KMT2C: variants seen among roughly 807,000 people sequenced by gnomAD.
The protein encoded by KMT2C is histone-lysine N-methyltransferase 2C.
Under a neutral mutation model 507.9 loss-of-function variants are expected in KMT2C, and 88 were observed. The observed-to-expected ratio is 0.17, with a 90% confidence interval of 0.15 to 0.21. The LOEUF (loss-of-function observed/expected upper bound fraction) is 0.21. Among genes scored for constraint, KMT2C ranks in the 10% least tolerant of loss-of-function variants. The pLI is 1.00. For missense variants in KMT2C, 4,954 were observed against 5,957.8 expected (o/e 0.83, Z 5.55); for synonymous variants, 2,049 against 2,080.8 (o/e 0.98, Z 0.42).
At chr7:152,397,208 T>C (rs1466111311) in intron 1 of KMT2C, among the ~76,000 whole-genome samples, 1 of 152,138 alleles carries the variant, frequency 6.6e-6, no homozygotes, top group Non-Finnish European at 1.5e-5. Flanking sequence ...AAGCTTTTTT[T>C]TTTTTTAGAT....
intron 7 of KMT2C, among the ~76,000 whole-genome samples, chr7:152,273,141 T>C (rs189676663): frequency 6.6e-6 from 1 of 152,310 alleles, no homozygotes; most frequent in Admixed American, 6.5e-5. Context: ...TTTCATTGAA[T>C]TATAAAATAC....
In KMT2C at chr7:152,177,641, G is replaced by T. The variant is rs1218619090; in HGVS notation, c.7812C>A (p.His2604Gln). 1 of 1,614,158 alleles carries T rather than the reference G, an allele frequency of 6.2e-7. No homozygotes were observed. The highest frequency in any genetic ancestry group is 1.3e-5 in the African/African-American group (1 of 75,030). ...GGGGAGGTCGTCGCATGGGGTCTGT[G>T]TGTCTAGGGCCCGGAAAGTCTGGCC... is the stretch of plus-strand genomic sequence containing the variant. ...IPRPDFPGPR[H>Q]TDPMRRPPQG... is the part of the protein sequence containing the mutation. The change falls in exon 38 of 59, where the codon CAC (histidine) becomes CAA (glutamine). Residue 2604 changes from histidine to glutamine, a missense_variant. His to Gln is a conservative substitution (Grantham distance 24). Around this residue, in one of 29 missense-constraint regions of KMT2C, gnomAD observed 1,689 missense variants for 1,654.3 expected, o/e 1.02. Transcript: ENST00000262189.
intron 7 of KMT2C, among the ~76,000 whole-genome samples, chr7:152,269,885 A>C (rs984291124): frequency 6.6e-6 from 1 of 152,242 alleles, no homozygotes; most frequent in African/African-American, 2.4e-5. Flanking sequence ...TAAAAAGAGA[A>C]GAGATAAATA....
chr7:152,294,091 G>A (rs1305893963), intron 6 of KMT2C, among the ~76,000 whole-genome samples: 6 of 149,632 alleles, frequency 4.0e-5, no homozygotes, highest in East Asian at 2.0e-4. Flanking sequence ...GGCTGGTCTC[G>A]AACTTGTAGC....
rs2096913136 is a variant in KMT2C, at chr7:152,334,317, T to C, written c.251-3578A>G. ...AAAATACAGAATTAGCCGGGCGAGGTGGTGCGTGCCTGTAATCCCAGCTAT... is the reference window on the plus strand; with the variant it reads ...AAAATACAGAATTAGCCGGGCGAGGCGGTGCGTGCCTGTAATCCCAGCTAT... On this transcript the variant is annotated intron_variant, in intron 2 of 58. Transcript: ENST00000262189. 2.6e-5 allele frequency among the ~76,000 whole-genome samples: 4 copies of C among 151,618 alleles called. No homozygotes were observed. The South Asian group carries it at 8.4e-4, about 32-fold the overall frequency.
At position 152,182,551 on chromosome 7, in the gene KMT2C, G is replaced by A. The variant is rs2129121152; in HGVS notation, c.5309C>T (p.Thr1770Ile). The change falls in exon 36 of 59, where the codon ACA (threonine) becomes ATA (isoleucine). Residue 1770 changes from threonine to isoleucine, a missense_variant. By Grantham distance (89) the Thr-to-Ile change is moderately conservative (BLOSUM62 -1). Coordinates refer to ENST00000262189, the MANE Select transcript of KMT2C (RefSeq NM_170606.3). Reference protein sequence around the residue: ...KSKQQAKIEATQKLEQVKNEQ... With the variant: ...KSKQQAKIEAIQKLEQVKNEQ... ...ATTTTTCACCTGTTCAAGTTTCTGT[G>A]TGGCTTCAATTTTAGCTTGCTGCTT... is the stretch of plus-strand genomic sequence containing the variant. 1 of 1,599,552 alleles carries A rather than the reference G, an allele frequency of 6.3e-7. No homozygotes were observed. Among genetic ancestry groups the A allele is most frequent in the Non-Finnish European group, 8.5e-7 (1 of 1,173,490 alleles).
At chr7:152,275,731 A>C (rs2096069112) in intron 6 of KMT2C, among the ~76,000 whole-genome samples, 1 of 152,220 alleles carries the variant, frequency 6.6e-6, no homozygotes, top group Admixed American at 6.5e-5. Context: ...CGGTAGTCTA[A>C]ATGTCTGAAT....
Position 152,318,532 on chromosome 7 carries a change from CA to C in KMT2C, c.390-3195del, listed in dbSNP as rs577421217. 3.9e-3 allele frequency among the ~76,000 whole-genome samples: 522 copies of C among 134,050 alleles called. 3 individuals are homozygous for C. Among genetic ancestry groups the C allele is most frequent in the African/African-American group, 0.014 (504 of 35,446 alleles). The allele number at this position is 134,050 out of a possible 152,430, so 87.9% of individuals were successfully genotyped here. The stretch of plus-strand genomic sequence containing the variant: ...ATCCCAGCTACTCGGGAGGCTGAGG[CA>C]GGGGAATTGTTTGAACCAGGGAGGT... On this transcript the variant is annotated intron_variant, in intron 3 of 58. Coordinates refer to ENST00000262189, the MANE Select transcript of KMT2C (RefSeq NM_170606.3).
chr7:152,355,258 A>G (rs1243716863), intron 2 of KMT2C, among the ~76,000 whole-genome samples: 1 of 152,224 alleles, frequency 6.6e-6, no homozygotes, highest in Admixed American at 6.5e-5. Context: ...CAGAGGTGGT[A>G]ACACTGGAAG....
chr7:152,205,208 C>T lies in KMT2C; in HGVS notation c.3859G>A (p.Val1287Met). The T allele has an allele frequency of 6.2e-7, 1 of 1,610,912 alleles. No homozygotes were observed. The highest frequency in any genetic ancestry group is 1.3e-5 in the African/African-American group (1 of 74,830). Residue 1287 changes from valine to methionine, a missense_variant, in exon 25 of 59, where the codon GTG (valine) becomes ATG (methionine). By Grantham distance (21) the Val-to-Met change is conservative. This residue lies in a region of KMT2C where 176 missense variants were observed against 262.0 expected (regional missense o/e 0.67). Transcript: ENST00000262189. ...TGCCCAGTTCGACTTCTTTGCCGCA[C>T]CATAAATCCACCAATACCTATCCAA... ...PYRPGIGGFM[V>M]RQRSRTGQGK... is the part of the protein sequence containing the mutation.
intron 6 of KMT2C, among the ~76,000 whole-genome samples, chr7:152,299,931 T>C (rs2096551849): frequency 6.6e-6 from 1 of 152,134 alleles, no homozygotes; most frequent in Non-Finnish European, 1.5e-5. Context: ...AAGAGAAAGC[T>C]AGAGTAGAAA....
chr7:152,325,161 C>T (rs1589197868), intron 3 of KMT2C, among the ~76,000 whole-genome samples: 1 of 151,556 alleles, frequency 6.6e-6, no homozygotes, highest in East Asian at 1.9e-4. Context: ...CTTTTCTTTT[C>T]TTTTTTTGAG....
At chr7:152,242,089 T>A (rs1473240954) in intron 14 of KMT2C, among the ~76,000 whole-genome samples, 8 of 152,214 alleles carry the variant, frequency 5.3e-5, no homozygotes, top group African/African-American at 1.9e-4. Context: ...ATCTTAGCTT[T>A]GATCAAGAAC....
At chr7:152,368,300 T>A in intron 1 of KMT2C, 1 of 1,176,006 alleles carries the variant, frequency 8.5e-7, no homozygotes, top group Non-Finnish European at 1.3e-6. Context: ...CTGGCAGCTG[T>A]GACTTATAAT....
chr7:152,341,618 T>C (rs1162531493), intron 2 of KMT2C, among the ~76,000 whole-genome samples: 1 of 152,186 alleles, frequency 6.6e-6, no homozygotes, highest in Non-Finnish European at 1.5e-5. Context: ...GTGCCAGAAC[T>C]ATTTGACAGA....
chr7:152,211,044 TAACAA>T (rs58564652), intron 23 of KMT2C, among the ~76,000 whole-genome samples: 6,763 of 152,180 alleles, frequency 0.044, 399 homozygotes, highest in African/African-American at 0.13. Context: ...ACTCAGTGCC[TAACAA>T]AACAGATTTT....
intron 27 of KMT2C, among the ~76,000 whole-genome samples, chr7:152,198,638 C>CT (rs1193523872): frequency 1.3e-5 from 2 of 152,118 alleles, no homozygotes; most frequent in Non-Finnish European, 2.9e-5. Context: ...ATACCTTTCT[C>CT]TGATTGTTAA....
chr7:152,199,441 CT>C lies in KMT2C; in HGVS notation c.4110del (p.Asp1371IlefsTer3). On this transcript the variant is annotated frameshift_variant, in exon 27 of 59. Transcript: ENST00000262189. LOFTEE classifies it high-confidence loss of function. The part of the protein sequence containing the change: ...PAYLQEAFFG[K>X]DLLDTSRQSK... ...CTTTGTCTACTTGTATCTAGAAGATCTTTTCCAAAGAAAGCTTCCTAGATGA... is the reference window on the plus strand; with the variant it reads ...CTTTGTCTACTTGTATCTAGAAGATCTTTCCAAAGAAAGCTTCCTAGATGA... The C allele has an allele frequency of 6.4e-7, 1 of 1,554,360 alleles. No individual in the cohort carries two copies. Among genetic ancestry groups the C allele is most frequent in the South Asian group, 1.3e-5 (1 of 79,408 alleles).
At chr7:152,197,502 G>C (rs182828308) in intron 27 of KMT2C, among the ~76,000 whole-genome samples, 1 of 152,090 alleles carries the variant, frequency 6.6e-6, no homozygotes, top group African/African-American at 2.4e-5. Context: ...ATCACATTAA[G>C]TTTTGCGTGC....
Sources: gnomAD v4.1 joint callset for allele counts (sites outside exome capture counted in the v4.1 genomes callset) on GRCh38, gnomAD v4.1.1 for gene constraint, gnomAD v4.1.1 regional missense constraint, MANE v1.5 for transcripts, NCBI Gene and HGNC (gene_info 2026-07-23, HGNC 2026-07-21) for gene names.